EML6: variants seen among roughly 807,000 people sequenced by gnomAD.
EML6 encodes EMAP like 6.
Under a neutral mutation model 240.1 loss-of-function variants are expected in EML6, and 154 were observed. The observed-to-expected ratio is 0.64, with a 90% CI of 0.56 to 0.73. EML6 has a LOEUF of 0.73. EML6 is among the 30% of genes least tolerant of loss of function. EML6 has a pLI of 0.00. For synonymous variants in EML6, 1,148 were observed against 899.0 expected, an observed-to-expected ratio of 1.28 and a Z score of -4.95; for missense variants, 2,964 against 2,474.6, an observed-to-expected ratio of 1.20 and a Z score of -4.20.
intron 6 of EML6, among the ~76,000 whole-genome samples, chr2:54,829,121 C>T (rs980512349): frequency 2.0e-5 from 3 of 152,096 alleles, no homozygotes; most frequent in African/African-American, 7.2e-5. Flanking sequence ...GGTAAAAGAG[C>T]ACTTGAACTA....
In EML6 at chr2:54,811,070, C is replaced by A. The variant is rs562255294; in HGVS notation, c.198-2162C>A. On this transcript the variant is annotated intron_variant, in intron 2 of 41. Coordinates refer to ENST00000356458, the MANE Select transcript of EML6 (RefSeq NM_001039753.4). The stretch of plus-strand genomic sequence containing the variant: ...TAAGCATTTCCCCCTCTGTTCTCAC[C>A]CCCAGTAGCTCTTGACTCTTCTTTA... Among the ~76,000 whole-genome samples, 5 of 152,092 alleles carry A rather than the reference C, an allele frequency of 3.3e-5. No homozygotes were observed. The East Asian group carries it at 9.7e-4, about 29-fold the overall frequency.
intron 16 of EML6, among the ~76,000 whole-genome samples, chr2:54,873,246 A>C (rs1465945567): frequency 6.6e-6 from 1 of 152,214 alleles, no homozygotes; most frequent in Non-Finnish European, 1.5e-5. Flanking sequence ...ATTACTCTAC[A>C]AATCTGAGCT....
intron 24 of EML6, among the ~76,000 whole-genome samples, chr2:54,907,926 AGATAGATAGATAGATAGATAAGATAGAT>A (rs1337189283): frequency 7.7e-4 from 41 of 53,040 alleles, no homozygotes; most frequent in South Asian, 2.7e-3. Flanking sequence ...ATAGATAGAT[AGATAGATAGATAGATAGATAAGATAGAT>A]AGATAGATAG....
At chr2:54,730,279 G>A (rs6732751) in intron 2 of EML6, among the ~76,000 whole-genome samples, 35,858 of 152,078 alleles carry the variant, frequency 0.24, 4,395 homozygotes, top group African/African-American at 0.32. Flanking sequence ...AAATAATCTA[G>A]TGCTGCAAAT....
intron 26 of EML6, among the ~76,000 whole-genome samples, chr2:54,924,342 T>C (rs1042426914): frequency 2.0e-5 from 3 of 151,716 alleles, no homozygotes; most frequent in Non-Finnish European, 4.4e-5. Flanking sequence ...ATTTCTCTGA[T>C]GACTAAGGAT....
Position 54,892,897 on chromosome 2 carries a change from C to T in EML6, c.2742+241C>T, listed in dbSNP as rs542469871. ...CTTTTTCCACACATGCTCTTCCTGG[C>T]GCCCACTCATGAGAGTCCCTTAAGA... On this transcript the variant is annotated intron_variant, in intron 19 of 41. Coordinates refer to ENST00000356458, the MANE Select transcript of EML6 (RefSeq NM_001039753.4). Among the ~76,000 whole-genome samples the T allele has an allele frequency of 7.9e-5, 12 of 152,266 alleles. No homozygotes were observed. In the South Asian group the frequency reaches 2.3e-3, roughly 29 times the overall value.
At chr2:54,734,444 C>A (rs566088169) in intron 2 of EML6, among the ~76,000 whole-genome samples, 5 of 152,220 alleles carry the variant, frequency 3.3e-5, no homozygotes, top group Admixed American at 6.5e-5. Flanking sequence ...GTGGCCATAG[C>A]CTTGGAAGGC....
intron 12 of EML6, 147 bp downstream of exon 12, chr2:54,859,848 C>T (rs1256357636): frequency 3.0e-6 from 2 of 665,714 alleles, no homozygotes; most frequent in Non-Finnish European, 2.4e-6. Flanking sequence ...TAAGAAGAAA[C>T]TTTAAAGATT....
intron 26 of EML6, among the ~76,000 whole-genome samples, chr2:54,923,367 GCACACACACACACACACACA>G (rs113101367): frequency 1.9e-4 from 27 of 144,364 alleles, no homozygotes; most frequent in African/African-American, 6.2e-4. Context: ...CTCACCAAAC[GCACACACACACACACACACA>G]CACACACACA....
intron 2 of EML6, among the ~76,000 whole-genome samples, chr2:54,805,381 C>T (rs1443981434): frequency 2.0e-5 from 3 of 152,158 alleles, no homozygotes; most frequent in African/African-American, 7.2e-5. Context: ...TGCCAAAAGA[C>T]TTTTCAAAGT....
intron 2 of EML6, among the ~76,000 whole-genome samples, chr2:54,746,759 G>C (rs1378465056): frequency 6.6e-6 from 1 of 151,990 alleles, no homozygotes; most frequent in Non-Finnish European, 1.5e-5. Flanking sequence ...ATTCTCCTTT[G>C]AATCTCAAAA....
intron 2 of EML6, among the ~76,000 whole-genome samples, chr2:54,783,936 A>G (rs1420197521): frequency 2.6e-5 from 4 of 152,090 alleles, no homozygotes; most frequent in Non-Finnish European, 5.9e-5. Flanking sequence ...TTCATGTTCC[A>G]TAATTTATTG....
intron 35 of EML6, among the ~76,000 whole-genome samples, chr2:54,961,459 T>C (rs1676512146): frequency 6.6e-6 from 1 of 150,464 alleles, no homozygotes; most frequent in Non-Finnish European, 1.5e-5. Context: ...AGTGCTGGGA[T>C]TACAGGCGTG....
chr2:54,891,020 A>G (rs369212646), intron 17 of EML6, 34 bp from the exon 18 acceptor site: 12 of 1,103,782 alleles, frequency 1.1e-5, no homozygotes, highest in African/African-American at 9.2e-5. Flanking sequence ...CTTCCATCCA[A>G]ACTAGAATCT....
chr2:54,834,835 A>C (rs1374327139), intron 7 of EML6, among the ~76,000 whole-genome samples: 1 of 152,200 alleles, frequency 6.6e-6, no homozygotes, highest in Non-Finnish European at 1.5e-5. Flanking sequence ...TTTACATAGA[A>C]TATTGCAGTT....
At chr2:54,792,974 T>C (rs1301480619) in intron 2 of EML6, among the ~76,000 whole-genome samples, 2 of 152,212 alleles carry the variant, frequency 1.3e-5, no homozygotes, top group East Asian at 3.8e-4. Flanking sequence ...GGTTTAAAGT[T>C]TTTGATCTTT....
chr2:54,747,414 G>A (rs559697782), intron 2 of EML6: 2 of 152,178 alleles, frequency 1.3e-5, no homozygotes, highest in South Asian at 2.1e-4. Flanking sequence ...CTGCTAGACT[G>A]ATGTTCAGGT....
intron 7 of EML6, among the ~76,000 whole-genome samples, chr2:54,843,322 G>A (rs1669561749): frequency 1.3e-5 from 2 of 152,120 alleles, no homozygotes; most frequent in South Asian, 2.1e-4. Context: ...CAGTTACTTG[G>A]GAGGGTGAAG....
intron 24 of EML6, among the ~76,000 whole-genome samples, chr2:54,904,430 T>A (rs1397622178): frequency 6.6e-6 from 1 of 152,116 alleles, no homozygotes; most frequent in East Asian, 1.9e-4. Context: ...CCAAGCCCAA[T>A]GTATGCTCTG....
Sources: gnomAD v4.1 joint callset for allele counts (sites outside exome capture counted in the v4.1 genomes callset) on GRCh38, gnomAD v4.1.1 for gene constraint, MANE v1.5 for transcripts, NCBI Gene and HGNC (gene_info 2026-07-23, HGNC 2026-07-21) for gene names.